The following KDM4A variants were observed in gnomAD, a reference collection of about 807,000 sequenced individuals.
KDM4A encodes lysine-specific demethylase 4A.
In KDM4A, 23 loss-of-function variants were observed where a neutral mutation model predicts 127.1. That is an observed-to-expected ratio of 0.18 (90% CI 0.13 to 0.26). The LOEUF (loss-of-function observed/expected upper bound fraction) is 0.26. Among genes scored for constraint, KDM4A ranks in the 10% least tolerant of loss-of-function variants. The pLI is 1.00. For missense variants in KDM4A, 890 were observed against 1,329.1 expected (o/e 0.67, Z 5.14); for synonymous variants, 443 against 466.5 (o/e 0.95, Z 0.65).
At chr1:43,659,289 G>A (rs567576375) in intron 3 of KDM4A, among the ~76,000 whole-genome samples, 1 of 152,202 alleles carries the variant, frequency 6.6e-6, no homozygotes, top group South Asian at 2.1e-4. Flanking sequence ...CAAGGATCTT[G>A]TATAGTTTTT....
At chr1:43,676,517 C>T (rs1660745634) in intron 11 of KDM4A, among the ~76,000 whole-genome samples, 1 of 152,064 alleles carries the variant, frequency 6.6e-6, no homozygotes, top group East Asian at 1.9e-4. Flanking sequence ...GACAGGGTTT[C>T]ACCATCTTGG....
intron 11 of KDM4A, among the ~76,000 whole-genome samples, chr1:43,676,149 G>A (rs1660736828): frequency 1.3e-5 from 2 of 150,286 alleles, no homozygotes; most frequent in South Asian, 2.1e-4. Context: ...GGGAGGCCAC[G>A]CAGGGTGCCA....
chr1:43,670,947 C>G (rs1437310858), intron 10 of KDM4A, among the ~76,000 whole-genome samples: 1 of 152,190 alleles, frequency 6.6e-6, no homozygotes, highest in Non-Finnish European at 1.5e-5. Flanking sequence ...TCCAGCAATC[C>G]TCCCATCTTG....
At chr1:43,668,415 G>A (rs1471055933) in intron 9 of KDM4A, among the ~76,000 whole-genome samples, 1 of 152,142 alleles carries the variant, frequency 6.6e-6, no homozygotes, top group East Asian at 1.9e-4. Context: ...GTGAGCCACC[G>A]CGCCCGGCCG....
intron 15 of KDM4A, 120 bp from the exon 16 acceptor site, chr1:43,692,136 A>T (rs1661132013): frequency 1.1e-6 from 1 of 901,620 alleles, no homozygotes; most frequent in Non-Finnish European, 1.8e-6. Context: ...GTGAAGCCCC[A>T]CATGCTATTA....
chr1:43,661,140 A>G (rs1660366507), intron 4 of KDM4A, among the ~76,000 whole-genome samples: 1 of 151,858 alleles, frequency 6.6e-6, no homozygotes. Flanking sequence ...ATGCCCGGCT[A>G]ATTTTGTATT....
chr1:43,659,371 CGTTA>C (rs1190390254), intron 3 of KDM4A, among the ~76,000 whole-genome samples: 5 of 152,044 alleles, frequency 3.3e-5, no homozygotes, highest in Non-Finnish European at 7.4e-5. Context: ...AGTGCAGTGG[CGTTA>C]GTTAGCTCAG....
In KDM4A at chr1:43,672,395, G is replaced by A. The variant is rs538454243; in HGVS notation, c.1734+520G>A. Among the ~76,000 whole-genome samples the A allele has an allele frequency of 3.3e-5, 5 of 152,140 alleles. No homozygotes were observed. The South Asian group carries it at 8.3e-4, about 25-fold the overall frequency. On this transcript the variant is annotated intron_variant, in intron 11 of 21. Transcript: ENST00000372396. ...GTAGAGACAGGGTTTCACCATGTTG[G>A]CCAGGCTGGTCTGGAACTCCTGACC... is the stretch of plus-strand genomic sequence containing the variant.
intron 10 of KDM4A, 93 bp from the exon 11 acceptor site, chr1:43,671,412 C>T (rs191846865): frequency 2.9e-5 from 40 of 1,363,404 alleles, no homozygotes; most frequent in South Asian, 2.1e-4. Context: ...TCCCATTCCC[C>T]GCCCATGTTC....
rs770599176 is a variant in KDM4A, at chr1:43,669,283, T to C, written c.1347T>C (p.Asp449=). Residue 449 remains aspartate, a synonymous_variant, in exon 10 of 22, where the codon GAT becomes GAC. Coordinates refer to ENST00000372396, the MANE Select transcript of KDM4A (RefSeq NM_014663.3). ...ATAGCTCTGTGCGGCAAGTTGAGGA[T>C]GGTCTTACCTTCCCAGGTTAGTTGA... The part of the protein sequence containing the change: ...PTHSSVRQVE[D]GLTFPDYSDS... 2.1e-5 allele frequency: 34 copies of C among 1,614,066 alleles called. No individual in the cohort carries two copies. The highest frequency in any genetic ancestry group is 2.3e-5 in the Non-Finnish European group (27 of 1,180,036).
intron 10 of KDM4A, among the ~76,000 whole-genome samples, chr1:43,670,411 G>T (rs1193262459): frequency 6.6e-6 from 1 of 151,790 alleles, no homozygotes; most frequent in Admixed American, 6.6e-5. Flanking sequence ...TAATTTTTTT[G>T]TTTGTTTTAG....
At chr1:43,698,568 T>G (rs1661300704) in intron 19 of KDM4A, among the ~76,000 whole-genome samples, 1 of 152,156 alleles carries the variant, frequency 6.6e-6, no homozygotes, top group South Asian at 2.1e-4. Context: ...AGTGAGGACT[T>G]AGTTCAGGTT....
chr1:43,685,948 A>G (rs912718466), intron 12 of KDM4A, among the ~76,000 whole-genome samples: 1 of 152,110 alleles, frequency 6.6e-6, no homozygotes, highest in Admixed American at 6.5e-5. Flanking sequence ...GATTGGTTTA[A>G]AGCAATATAG....
At chr1:43,657,750 CTTTTTTTTTTT>C (rs140666245) in intron 3 of KDM4A, among the ~76,000 whole-genome samples, 1 of 116,460 alleles carries the variant, frequency 8.6e-6, no homozygotes, top group Non-Finnish European at 1.7e-5. Flanking sequence ...TTTTTCTTTT[CTTTTTTTTTTT>C]TTTTTTTGAG....
At chr1:43,675,924 T>G (rs1660730529) in intron 11 of KDM4A, among the ~76,000 whole-genome samples, 1 of 151,048 alleles carries the variant, frequency 6.6e-6, no homozygotes. Flanking sequence ...AATAGAAAAA[T>G]TAGCTGGGTG....
chr1:43,662,110 C>G (rs1660396274), intron 4 of KDM4A, among the ~76,000 whole-genome samples: 1 of 151,910 alleles, frequency 6.6e-6, no homozygotes, highest in South Asian at 2.1e-4. Context: ...GCTTTGTTGC[C>G]CAGGATGGTC....
At chr1:43,660,277 T>G in intron 3 of KDM4A, 21 bp from the exon 4 acceptor site, 1 of 1,573,414 alleles carries the variant, frequency 6.4e-7, no homozygotes, top group Middle Eastern at 1.7e-4. Flanking sequence ...GGTTTACATG[T>G]TTCTTTTTAC....
At chr1:43,668,266 C>T (rs1376293670) in intron 9 of KDM4A, among the ~76,000 whole-genome samples, 1 of 152,122 alleles carries the variant, frequency 6.6e-6, no homozygotes, top group East Asian at 1.9e-4. Context: ...GCTGGGACTA[C>T]AGGCACCTAC....
At chr1:43,674,130 A>C (rs887476699) in intron 11 of KDM4A, among the ~76,000 whole-genome samples, 1 of 152,014 alleles carries the variant, frequency 6.6e-6, no homozygotes, top group Non-Finnish European at 1.5e-5. Flanking sequence ...TTTCGTAGAG[A>C]TGGGGTTTCA....
Sources: allele counts gnomAD v4.1 joint callset (sites outside exome capture counted in the v4.1 genomes callset), GRCh38; gene constraint gnomAD v4.1.1; transcripts MANE v1.5; gene names NCBI Gene and HGNC (gene_info 2026-07-23, HGNC 2026-07-21).